DLG2: variants seen among roughly 807,000 people sequenced by gnomAD.
DLG2 encodes the protein disks large homolog 2.
DLG2 carries 45 observed loss-of-function variants against 132.5 expected under a neutral mutation model. That is an observed-to-expected ratio of 0.34 (90% CI 0.27 to 0.44). The LOEUF (loss-of-function observed/expected upper bound fraction) is 0.44, where lower values mean the gene tolerates loss of function less well. DLG2 is among the 20% of genes least tolerant of loss of function. The probability of loss-of-function intolerance (pLI) is 1.00; values close to 1 mark genes in which losing one functional copy is unlikely to be tolerated. For synonymous variants in DLG2, 424 were observed against 419.6 expected, an observed-to-expected ratio of 1.01 and a Z score of -0.13; for missense variants, 1,045 against 1,196.9, an observed-to-expected ratio of 0.87 and a Z score of 1.87.
At chr11:84,036,586 A>G (rs2095868810) in intron 11 of DLG2, among the ~76,000 whole-genome samples, 1 of 152,106 alleles carries the variant, frequency 6.6e-6, no homozygotes, top group African/African-American at 2.4e-5. Flanking sequence ...ATTTCTCACA[A>G]TTATGTTTTC....
chr11:84,815,803 G>T (rs1345800981), intron 6 of DLG2, among the ~76,000 whole-genome samples: 2 of 152,034 alleles, frequency 1.3e-5, no homozygotes, highest in African/African-American at 4.8e-5. Context: ...AATGGGTTAT[G>T]ATGAGAGGGT....
chr11:84,329,832 A>G (rs957176827), intron 7 of DLG2, among the ~76,000 whole-genome samples: 15 of 152,186 alleles, frequency 9.9e-5, no homozygotes, highest in African/African-American at 3.6e-4. Flanking sequence ...GTATAATGTG[A>G]TAAAGCTTTG....
At chr11:84,019,213 T>C (rs2095313914) in intron 11 of DLG2, among the ~76,000 whole-genome samples, 1 of 152,138 alleles carries the variant, frequency 6.6e-6, no homozygotes, top group Non-Finnish European at 1.5e-5. Context: ...GTATTCTCTA[T>C]GTGTGCATGT....
At chr11:84,154,424 A>C (rs1296009336) in intron 9 of DLG2, among the ~76,000 whole-genome samples, 1 of 152,224 alleles carries the variant, frequency 6.6e-6, no homozygotes, top group Non-Finnish European at 1.5e-5. Context: ...TTGAGCTGCC[A>C]ATACTCACAC....
chr11:83,616,517 G>T (rs1430417683), intron 19 of DLG2, among the ~76,000 whole-genome samples: 2 of 150,424 alleles, frequency 1.3e-5, no homozygotes, highest in Non-Finnish European at 2.9e-5. Flanking sequence ...TTTTCTCAAA[G>T]ACTTGTAGCT....
intron 7 of DLG2, among the ~76,000 whole-genome samples, chr11:84,403,690 A>G (rs2098838663): frequency 6.6e-6 from 1 of 151,928 alleles, no homozygotes; most frequent in Non-Finnish European, 1.5e-5. Flanking sequence ...AAACTCTTCA[A>G]CTCTAACTTC....
chr11:83,852,878 A>T (rs763134234), intron 16 of DLG2, among the ~76,000 whole-genome samples: 2 of 152,138 alleles, frequency 1.3e-5, no homozygotes, highest in Non-Finnish European at 2.9e-5. Flanking sequence ...AATTTCATTG[A>T]TCTTACTGAC....
intron 12 of DLG2, among the ~76,000 whole-genome samples, chr11:83,976,942 G>A (rs2092308685): frequency 6.6e-6 from 1 of 151,462 alleles, no homozygotes; most frequent in Non-Finnish European, 1.5e-5. Flanking sequence ...TTCTGATATT[G>A]GAGTAGCATT....
chr11:84,559,227 C>A (rs1217790396), intron 6 of DLG2, among the ~76,000 whole-genome samples: 1 of 152,116 alleles, frequency 6.6e-6, no homozygotes, highest in Non-Finnish European at 1.5e-5. Context: ...TCTATTATTA[C>A]TGTTGTCATT....
At chr11:83,914,545 T>C (rs999058957) in intron 15 of DLG2, among the ~76,000 whole-genome samples, 13 of 152,206 alleles carry the variant, frequency 8.5e-5, no homozygotes, top group Non-Finnish European at 2.9e-5. Flanking sequence ...TAGCTTACCA[T>C]GGGCCAAATG....
intron 6 of DLG2, among the ~76,000 whole-genome samples, chr11:84,550,162 G>A (rs926789088): frequency 8.7e-5 from 13 of 149,720 alleles, no homozygotes; most frequent in Admixed American, 3.3e-4. Flanking sequence ...ACACACACAT[G>A]CATGTATATG....
chr11:85,499,989 C>G (rs2153124958), intron 3 of DLG2, among the ~76,000 whole-genome samples: 1 of 152,282 alleles, frequency 6.6e-6, no homozygotes, highest in East Asian at 1.9e-4. Flanking sequence ...TAGCAAATAT[C>G]ACACTGAATG....
chr11:85,147,223 C>T (rs1053770448), intron 5 of DLG2, among the ~76,000 whole-genome samples: 1 of 152,250 alleles, frequency 6.6e-6, no homozygotes, highest in East Asian at 1.9e-4. Context: ...CTTTCTTGCA[C>T]AGATAGTTAT....
At chr11:83,778,860 G>A (rs1398978291) in intron 18 of DLG2, among the ~76,000 whole-genome samples, 1 of 152,100 alleles carries the variant, frequency 6.6e-6, no homozygotes, top group East Asian at 1.9e-4. Context: ...CTATGGGTTA[G>A]ATGGAGGTTG....
At chr11:83,609,648 C>A (rs2059829430) in intron 19 of DLG2, among the ~76,000 whole-genome samples, 1 of 152,168 alleles carries the variant, frequency 6.6e-6, no homozygotes, top group South Asian at 2.1e-4. Flanking sequence ...ATCCTCCCTT[C>A]TCCCCACTCT....
chr11:83,522,459 C>T (rs2095505172), intron 21 of DLG2, among the ~76,000 whole-genome samples: 1 of 151,982 alleles, frequency 6.6e-6, no homozygotes, highest in Admixed American at 6.6e-5. Flanking sequence ...AAGGAAGTAA[C>T]ACTCAGATCA....
chr11:83,947,871 T>C (rs190290249), intron 14 of DLG2, among the ~76,000 whole-genome samples: 2 of 152,256 alleles, frequency 1.3e-5, no homozygotes, highest in East Asian at 3.9e-4. Context: ...TACTTTCTAA[T>C]TGTCAAAGGC....
chr11:83,471,623 T>C lies in DLG2; in HGVS notation c.2446+3A>G, dbSNP rs765430748. 1.2e-6 allele frequency: 2 copies of C among 1,608,400 alleles called. No homozygotes were observed. The highest frequency in any genetic ancestry group is 8.5e-7 in the Non-Finnish European group (1 of 1,175,236). Reference sequence around the variant, plus strand: ...TCCTAGAGGAAAGAAAAATGACACTTACGAGGCACACAGGAGCCAAATTTA... The same window carrying C: ...TCCTAGAGGAAAGAAAAATGACACTCACGAGGCACACAGGAGCCAAATTTA... On this transcript the variant is annotated splice_donor_region_variant and intron_variant, in intron 24 of 27. Coordinates refer to ENST00000376104, the MANE Select transcript of DLG2 (RefSeq NM_001142699.3).
At chr11:84,657,806 A>G (rs998068813) in intron 6 of DLG2, among the ~76,000 whole-genome samples, 10 of 152,188 alleles carry the variant, frequency 6.6e-5, no homozygotes, top group Admixed American at 1.3e-4. Flanking sequence ...TCTGCTTCCA[A>G]TACTGCTCGC....
Sources: gnomAD v4.1 joint callset for allele counts (sites outside exome capture counted in the v4.1 genomes callset) on GRCh38, gnomAD v4.1.1 for gene constraint, MANE v1.5 for transcripts, NCBI Gene and HGNC (gene_info 2026-07-23, HGNC 2026-07-21) for gene names.